The following PREX2 variants were observed in gnomAD, a reference collection of about 807,000 sequenced individuals.
The protein encoded by PREX2 is phosphatidylinositol 3,4,5-trisphosphate-dependent Rac exchanger 2 protein.
Under a neutral mutation model 203.2 loss-of-function variants are expected in PREX2, and 107 were observed. The observed-to-expected ratio is 0.53, with a 90% CI of 0.45 to 0.62. The LOEUF is 0.62. Among genes scored for constraint, PREX2 ranks in the 20% least tolerant of loss-of-function variants. The pLI, the probability that PREX2 is intolerant of heterozygous loss-of-function variation, is 0.00. For missense variants in PREX2, 1,777 were observed against 1,955.9 expected, an observed-to-expected ratio of 0.91 and a Z score of 1.72; for synonymous variants, 672 against 663.6, an observed-to-expected ratio of 1.01 and a Z score of -0.19.
At chr8:68,052,403 C>A (rs1808549245) in intron 8 of PREX2, among the ~76,000 whole-genome samples, 1 of 152,100 alleles carries the variant, frequency 6.6e-6, no homozygotes, top group Admixed American at 6.5e-5. Flanking sequence ...TCAAACCCAG[C>A]ATGACAGTTT....
At chr8:68,130,363 A>G (rs1810983081) in intron 31 of PREX2, among the ~76,000 whole-genome samples, 1 of 152,152 alleles carries the variant, frequency 6.6e-6, no homozygotes, top group Non-Finnish European at 1.5e-5. Context: ...GGATACTTGT[A>G]AATTTTGAAT....
At chr8:68,163,273 C>T (rs1316502204) in intron 35 of PREX2, among the ~76,000 whole-genome samples, 2 of 152,158 alleles carry the variant, frequency 1.3e-5, no homozygotes, top group African/African-American at 4.8e-5. Context: ...TGTATTCAAA[C>T]TGTGTCTTTG....
intron 22 of PREX2, among the ~76,000 whole-genome samples, chr8:68,098,997 G>A (rs1810180421): frequency 7.5e-6 from 1 of 132,818 alleles, no homozygotes; most frequent in African/African-American, 2.9e-5. Flanking sequence ...TTAATTCTCA[G>A]GTCATTGGAA....
rs1811204720 is a variant in PREX2 at position 68,140,436 on chromosome 8, A to G, written c.4087+1919A>G. 2.0e-5 allele frequency among the ~76,000 whole-genome samples: 3 copies of G among 152,226 alleles called. No individual in the cohort carries two copies. In the South Asian group the frequency reaches 6.2e-4, roughly 31 times the overall value. On this transcript the variant is annotated intron_variant, in intron 33 of 39. Coordinates refer to ENST00000288368, the MANE Select transcript of PREX2 (RefSeq NM_024870.4). ...AATAAGAGAATTATTCTGTATTCAG[A>G]GGTCATCACATCTTATTTAAGTGGT...
At chr8:68,154,501 A>G (rs1811502042) in intron 34 of PREX2, among the ~76,000 whole-genome samples, 1 of 152,236 alleles carries the variant, frequency 6.6e-6, no homozygotes, top group African/African-American at 2.4e-5. Context: ...GTTAAGAGTA[A>G]TTTATCTTGA....
At chr8:68,130,114 C>CAAAAAAAAAAA (rs71253064) in intron 31 of PREX2, among the ~76,000 whole-genome samples, 1 of 102,668 alleles carries the variant, frequency 9.7e-6, no homozygotes, top group Non-Finnish European at 1.9e-5. Flanking sequence ...CCTGCCTCTG[C>CAAAAAAAAAAA]AAAAAAAAAA....
chr8:68,156,443 C>T lies in PREX2; in HGVS notation c.4232-879C>T, dbSNP rs574458868. 7.2e-5 allele frequency among the ~76,000 whole-genome samples: 11 copies of T among 152,204 alleles called. No homozygotes were observed. In the South Asian group the frequency reaches 1.2e-3, roughly 17 times the overall value. On this transcript the variant is annotated intron_variant, in intron 34 of 39. Coordinates refer to ENST00000288368, the MANE Select transcript of PREX2 (RefSeq NM_024870.4). Reference sequence around the variant, plus strand: ...ACATATATGTGTCATATGTAATAGACGTGTGTGTATAAATATCAAATACAT... The same window carrying T: ...ACATATATGTGTCATATGTAATAGATGTGTGTGTATAAATATCAAATACAT...
intron 35 of PREX2, among the ~76,000 whole-genome samples, chr8:68,185,972 C>T (rs1341717366): frequency 6.7e-6 from 1 of 148,366 alleles, no homozygotes; most frequent in Non-Finnish European, 1.5e-5. Context: ...TCAAATTTTG[C>T]CATTAACTTT....
chr8:67,996,857 T>A (rs911559270), intron 1 of PREX2, among the ~76,000 whole-genome samples: 2 of 152,164 alleles, frequency 1.3e-5, no homozygotes, highest in African/African-American at 2.4e-5. Context: ...ATTTTCTCCA[T>A]AGGGATGGAT....
chr8:68,003,444 A>G (rs1035470056), intron 1 of PREX2, among the ~76,000 whole-genome samples: 2 of 152,202 alleles, frequency 1.3e-5, no homozygotes, highest in African/African-American at 4.8e-5. Context: ...GGGTGGAGCT[A>G]GTGAGTACTA....
At chr8:68,052,606 C>T (rs74724626) in intron 8 of PREX2, among the ~76,000 whole-genome samples, 2 of 152,200 alleles carry the variant, frequency 1.3e-5, no homozygotes, top group East Asian at 3.9e-4. Context: ...GGTAATTGCA[C>T]TCTTTGTGTG....
intron 34 of PREX2, among the ~76,000 whole-genome samples, chr8:68,153,263 C>T (rs1403955681): frequency 6.6e-6 from 1 of 152,190 alleles, no homozygotes; most frequent in East Asian, 1.9e-4. Flanking sequence ...TGTTAGCAGA[C>T]TGACACTGTT....
At chr8:68,077,616 C>T (rs1296482216) in intron 15 of PREX2, 147 bp downstream of exon 15, 1 of 666,662 alleles carries the variant, frequency 1.5e-6, no homozygotes, top group African/African-American at 1.8e-5. Flanking sequence ...GTTGGGTCAC[C>T]ACAACTGCAT....
chr8:68,026,053 A>G (rs1478501321), intron 4 of PREX2, among the ~76,000 whole-genome samples: 1 of 152,112 alleles, frequency 6.6e-6, no homozygotes, highest in African/African-American at 2.4e-5. Flanking sequence ...GGGGGAAAAT[A>G]CCATATATAG....
chr8:67,983,657 T>G (rs918038938), intron 1 of PREX2, among the ~76,000 whole-genome samples: 5 of 152,248 alleles, frequency 3.3e-5, no homozygotes, highest in Non-Finnish European at 7.3e-5. Flanking sequence ...TCTGCCAGAC[T>G]TCATGAAATT....
At chr8:68,200,984 A>G (rs1031568916) in intron 37 of PREX2, among the ~76,000 whole-genome samples, 3 of 152,146 alleles carry the variant, frequency 2.0e-5, no homozygotes, top group Admixed American at 2.0e-4. Context: ...TTACATTACT[A>G]CATTTTATTT....
At position 68,027,193 on chromosome 8, in the gene PREX2, G is replaced by A. The variant is rs757675394; in HGVS notation, c.442-29G>A. 7 of 1,480,814 alleles carry A rather than the reference G, an allele frequency of 4.7e-6. No individual in the cohort carries two copies. The South Asian group carries it at 6.8e-5, about 14-fold the overall frequency. The allele number at this position is 1,480,814 out of a possible 1,614,324, so 91.7% of individuals were successfully genotyped here. A position where few individuals can be genotyped will look rare whatever the true frequency, so the allele number is the denominator to read the frequency against. On this transcript the variant is annotated intron_variant, in intron 4 of 39. Transcript: ENST00000288368. ...TTCACAGCGTGAGATTATTAAAGAT[G>A]TAATTAATTTTGATTATTTTCACCC...
chr8:68,123,657 T>C (rs1250677362), intron 30 of PREX2, among the ~76,000 whole-genome samples: 1 of 151,638 alleles, frequency 6.6e-6, no homozygotes, highest in Admixed American at 6.6e-5. Flanking sequence ...CTACAAAATC[T>C]AAAAGAAATG....
chr8:68,016,124 A>G (rs779419172), intron 1 of PREX2, among the ~76,000 whole-genome samples: 2 of 152,220 alleles, frequency 1.3e-5, no homozygotes, highest in East Asian at 1.9e-4. Flanking sequence ...GATATAAGTT[A>G]TAACATGCTT....
Sources: gnomAD v4.1 joint callset for allele counts (sites outside exome capture counted in the v4.1 genomes callset) on GRCh38, gnomAD v4.1.1 for gene constraint, MANE v1.5 for transcripts, NCBI Gene and HGNC (gene_info 2026-07-23, HGNC 2026-07-21) for gene names.